Variants in PRKCD observed in about 807,000 individuals in gnomAD.
PRKCD encodes protein kinase C delta type.
A neutral mutation model predicts 82.2 loss-of-function variants in PRKCD; 20 were observed. The observed-to-expected ratio is 0.24, with a 90% CI of 0.17 to 0.35. The LOEUF is 0.35. Ranked by LOEUF, PRKCD falls within the 10% of genes least tolerant of loss-of-function variation. The pLI is 1.00. For missense variants in PRKCD, 607 were observed against 899.0 expected (o/e 0.68, Z 4.15); for synonymous variants, 317 against 337.0 (o/e 0.94, Z 0.65).
chr3:53,166,872 A>G (rs1393661315), intron 2 of PRKCD, among the ~76,000 whole-genome samples: 3 of 152,244 alleles, frequency 2.0e-5, no homozygotes, highest in Non-Finnish European at 4.4e-5. Context: ...GGGAGATGGG[A>G]GGCATGAATG....
In PRKCD at chr3:53,189,250, G is replaced by A; in HGVS notation, c.1743+4G>A. ...GTCCAAGGACATCCTGGAGAAGGTG[G>A]AGGCCCTGGGCTGGGCTGGGCTGGT... On this transcript the variant is annotated splice_donor_region_variant and intron_variant, in intron 17 of 18. Transcript: ENST00000330452. The A allele has an allele frequency of 6.3e-7, 1 of 1,598,124 alleles. No homozygotes were observed.
Position 53,179,660 on chromosome 3 carries a change from C to T in PRKCD, c.199C>T (p.Arg67Cys), listed in dbSNP as rs1317887288. 6.2e-7 allele frequency: 1 copy of T among 1,613,750 alleles called. No individual in the cohort carries two copies. Among genetic ancestry groups the T allele is most frequent in the African/African-American group, 1.3e-5 (1 of 75,032 alleles). Residue 67 changes from arginine to cysteine, a missense_variant, in exon 4 of 19, where the codon CGC becomes TGC. Arg to Cys is a radical substitution (Grantham distance 180). This residue lies in a region of PRKCD where 161 missense variants were observed against 227.0 expected (regional missense o/e 0.71). Transcript: ENST00000330452. ...STFDAHIYEG[R>C]VIQIVLMRAA... Reference sequence around the variant, plus strand: ...GTTCGATGCCCACATCTATGAGGGGCGCGTCATCCAGATTGTGCTAATGCG... The same window carrying T: ...GTTCGATGCCCACATCTATGAGGGGTGCGTCATCCAGATTGTGCTAATGCG...
intron 2 of PRKCD, among the ~76,000 whole-genome samples, chr3:53,175,840 CT>C (rs1471639131): frequency 6.6e-6 from 1 of 152,226 alleles, no homozygotes; most frequent in African/African-American, 2.4e-5. Context: ...GGTGCTGGAT[CT>C]CTTGGACCCT....
At position 53,169,217 on chromosome 3, in the gene PRKCD, G is replaced by T. The variant is rs1702936716; in HGVS notation, c.-20+4002G>T. On this transcript the variant is annotated intron_variant, in intron 2 of 18. Transcript: ENST00000330452. The surrounding 1 kb of genome is among the most constrained non-coding windows in gnomAD (Gnocchi z 4.7). ...GAACGGCGGGGGACTGGTGTGGGCA[G>T]GCTTGAGCTCTTCTGGAGTCATTCA... Among the ~76,000 whole-genome samples the T allele has an allele frequency of 6.6e-6, 1 of 152,152 alleles. No individual in the cohort carries two copies. Among genetic ancestry groups the T allele is most frequent in the African/African-American group, 2.4e-5 (1 of 41,418 alleles).
rs138049008 is a variant in PRKCD at position 53,185,663 on chromosome 3, C to T, written c.948C>T (p.Phe316=). 123 of 1,612,812 alleles carry T rather than the reference C, an allele frequency of 7.6e-5. 1 individual carries two copies. In the East Asian group the frequency reaches 1.0e-3, roughly 13 times the overall value. The change falls in exon 11 of 19, where the codon TTC becomes TTT. Residue 316 remains phenylalanine, a synonymous_variant. Coordinates refer to ENST00000330452, the MANE Select transcript of PRKCD (RefSeq NM_006254.4). ...SSEPVGIYQG[F]EKKTGVAGED... is the part of the protein sequence containing the mutation. ...AGCCTGTTGGGATATATCAGGGTTT[C>T]GAGAAGAAGACCGGAGTTGCTGGGG...
chr3:53,171,992 T>C (rs1703045682), intron 2 of PRKCD, among the ~76,000 whole-genome samples: 11 of 151,630 alleles, frequency 7.3e-5, no homozygotes, highest in Admixed American at 7.2e-4. Context: ...AGGTACTGGT[T>C]GGTCTGTGTG....
intron 2 of PRKCD, among the ~76,000 whole-genome samples, chr3:53,172,164 G>T (rs782120982): frequency 6.6e-6 from 1 of 152,102 alleles, no homozygotes; most frequent in Non-Finnish European, 1.5e-5. Flanking sequence ...GAGGCTGGGG[G>T]ATGGGCCCTG....
chr3:53,180,021 C>T (rs1023881247), intron 4 of PRKCD, among the ~76,000 whole-genome samples: 18 of 152,198 alleles, frequency 1.2e-4, no homozygotes, highest in Admixed American at 2.0e-4. Context: ...TAAGGGAAGG[C>T]GCTACTAAAT....
chr3:53,187,409 G>C lies in PRKCD; in HGVS notation c.1415+7G>C, dbSNP rs78905675. ...GCAAGGGCATCATTTACAGGTGCGG[G>C]GGTGAGGGCAGCGGGGGCTCTTGGG... On this transcript the variant is annotated splice_region_variant and intron_variant, in intron 15 of 18. Transcript: ENST00000330452. 878 of 1,613,710 alleles carry C rather than the reference G, an allele frequency of 5.4e-4. 1 individual carries two copies. Among genetic ancestry groups the C allele is most frequent in the Non-Finnish European group, 6.9e-4 (814 of 1,179,742 alleles).
intron 4 of PRKCD, 126 bp from the exon 5 acceptor site, chr3:53,181,081 G>C (rs1370262120): frequency 3.0e-6 from 3 of 998,612 alleles, no homozygotes; most frequent in Non-Finnish European, 4.5e-6. Context: ...GCAGACAAGT[G>C]TCTGGCTAGG....
intron 5 of PRKCD, 41 bp downstream of exon 5, chr3:53,181,308 C>T (rs782091251): frequency 1.9e-4 from 305 of 1,610,976 alleles, no homozygotes; most frequent in Non-Finnish European, 7.6e-6. Flanking sequence ...TTGCCGGGTT[C>T]AGAGGCAGAG....
Position 53,183,371 on chromosome 3 carries a change from C to T in PRKCD, c.658-81C>T. Reference sequence around the variant, plus strand: ...AGCTCTCTTGGGATGTTGTTGTGCCCAGGGTTGGGGGAGAGCTAGGGGTTG... The same window carrying T: ...AGCTCTCTTGGGATGTTGTTGTGCCTAGGGTTGGGGGAGAGCTAGGGGTTG... On this transcript the variant is annotated intron_variant, in intron 8 of 18. Transcript: ENST00000330452. 4.4e-6 allele frequency: 7 copies of T among 1,593,838 alleles called. No homozygotes were observed. The South Asian group carries it at 5.7e-5, about 13-fold the overall frequency.
intron 2 of PRKCD, 78 bp from the exon 3 acceptor site, chr3:53,178,326 G>A (rs879995253): frequency 1.2e-6 from 1 of 836,238 alleles, no homozygotes; most frequent in East Asian, 2.6e-5. Context: ...CCCTGGGGGA[G>A]CGGGTCCCTG....
chr3:53,187,515 A>G, intron 15 of PRKCD, 113 bp downstream of exon 15: 1 of 1,239,568 alleles, frequency 8.1e-7, no homozygotes, highest in East Asian at 2.4e-5. Flanking sequence ...TCTGCTGGAA[A>G]TCAATCTTTA....
At chr3:53,184,624 G>A (rs1437087389) in intron 9 of PRKCD, among the ~76,000 whole-genome samples, 5 of 148,254 alleles carry the variant, frequency 3.4e-5, no homozygotes, top group African/African-American at 5.0e-5. Context: ...GCGGTGAGCC[G>A]AGATTGCGCC....
Position 53,181,501 on chromosome 3 carries a change from G to A in PRKCD, c.434G>A (p.Arg145His). 1 of 1,614,180 alleles carries A rather than the reference G, an allele frequency of 6.2e-7. No homozygotes were observed. Residue 145 changes from arginine to histidine, a missense_variant, in exon 6 of 19, where the codon CGC (arginine) becomes CAC (histidine). Coordinates refer to ENST00000330452, the MANE Select transcript of PRKCD (RefSeq NM_006254.4). ...GCCAAGTTCCCAACGATGAACCGCC[G>A]CGGAGCCATCAAACAGGCCAAAATC... Reference protein sequence around the residue: ...DEAKFPTMNRRGAIKQAKIHY... With the variant: ...DEAKFPTMNRHGAIKQAKIHY...
At chr3:53,187,530 G>T in intron 15 of PRKCD, 128 bp downstream of exon 15, 1 of 1,118,616 alleles carries the variant, frequency 8.9e-7, no homozygotes, top group South Asian at 1.5e-5. Context: ...TCTTTAGCTG[G>T]GTATTTGCCT....
intron 1 of PRKCD, among the ~76,000 whole-genome samples, chr3:53,162,427 G>T (rs892427946): frequency 1.3e-5 from 2 of 152,208 alleles, no homozygotes; most frequent in African/African-American, 4.8e-5. Context: ...GAGTGGGCGG[G>T]GGGTCCCCTT....
chr3:53,180,188 G>A (rs193292235), intron 4 of PRKCD, among the ~76,000 whole-genome samples: 29 of 151,904 alleles, frequency 1.9e-4, no homozygotes, highest in Admixed American at 1.3e-3. Flanking sequence ...TATGCACATA[G>A]TAAAACATTT....
Sources: gnomAD v4.1 joint callset for allele counts (sites outside exome capture counted in the v4.1 genomes callset) on GRCh38, gnomAD v4.1.1 for gene constraint, gnomAD v4.1.1 regional missense constraint, Gnocchi (gnomAD v3.1) non-coding constraint, MANE v1.5 for transcripts, NCBI Gene and HGNC (gene_info 2026-07-23, HGNC 2026-07-21) for gene names.